EFTUD2: variants seen among roughly 807,000 people sequenced by gnomAD.
The protein encoded by EFTUD2 is elongation factor Tu GTP binding domain containing 2.
In EFTUD2, 9 loss-of-function variants were observed where a neutral mutation model predicts 114.3. The ratio of observed to expected loss-of-function variants is 0.08; its 90% CI spans 0.05 to 0.14. The LOEUF (loss-of-function observed/expected upper bound fraction) is 0.14, where lower values mean the gene tolerates loss of function less well. Among genes scored for constraint, EFTUD2 ranks in the 10% least tolerant of loss-of-function variants. EFTUD2 has a pLI of 1.00. For missense variants in EFTUD2, 765 were observed against 1,241.2 expected (o/e 0.62, Z 5.76); for synonymous variants, 449 against 462.3 (o/e 0.97, Z 0.37).
Position 44,885,267 on chromosome 17 carries a change from C to T in EFTUD2, c.339G>A (p.Val113=), listed in dbSNP as rs371529062. The T allele has an allele frequency of 3.7e-6, 6 of 1,613,484 alleles. No individual in the cohort carries two copies. The African/African-American group carries it at 5.3e-5, about 14-fold the overall frequency. Residue 113 remains valine (V), a synonymous_variant, in exon 4 of 28, where the codon GTG becomes GTA. Coordinates refer to ENST00000426333, the MANE Select transcript of EFTUD2 (RefSeq NM_004247.4). ...TLMEQTLPVT[V]YEMDFLADLM... is the part of the protein sequence containing the mutation. ...ACCTTGTAACTTACTCCATCTCATA[C>T]ACCGTAACAGGTAATGTCTGCTCCA...
At chr17:44,877,118 C>G (rs2050974964) in intron 9 of EFTUD2, among the ~76,000 whole-genome samples, 2 of 151,942 alleles carry the variant, frequency 1.3e-5, no homozygotes, top group Admixed American at 1.3e-4. Flanking sequence ...ATCACTTGAG[C>G]CCAGGAGCTC....
chr17:44,868,023 T>G, intron 12 of EFTUD2, 126 bp from the exon 13 acceptor site: 1 of 1,006,584 alleles, frequency 9.9e-7, no homozygotes, highest in East Asian at 2.7e-5. Context: ...GACTGTAAAG[T>G]TTCCAGAGAC....
chr17:44,886,884 G>T (rs868161701), intron 2 of EFTUD2, 134 bp from the exon 3 acceptor site: 120 of 1,413,728 alleles, frequency 8.5e-5, no homozygotes, highest in Non-Finnish European at 1.1e-4. Context: ...GCCAGTGGGG[G>T]AGGTTCCACT....
At chr17:44,895,208 T>C (rs137914458) in intron 1 of EFTUD2, among the ~76,000 whole-genome samples, 11 of 152,358 alleles carry the variant, frequency 7.2e-5, no homozygotes, top group East Asian at 5.8e-4. Flanking sequence ...AAAAGTTTCA[T>C]TGGGAGGCCG....
At chr17:44,858,366 G>T (rs1436042542) in intron 19 of EFTUD2, among the ~76,000 whole-genome samples, 1 of 152,152 alleles carries the variant, frequency 6.6e-6, no homozygotes, top group African/African-American at 2.4e-5. Context: ...CTGCGGAGTA[G>T]CTGGGACTAT....
chr17:44,883,362 C>T (rs1033898084), intron 5 of EFTUD2, among the ~76,000 whole-genome samples: 2 of 152,156 alleles, frequency 1.3e-5, no homozygotes, highest in African/African-American at 4.8e-5. Context: ...ACAGGCATCC[C>T]TCAGGAAATG....
chr17:44,897,074 A>G (rs535726216), intron 1 of EFTUD2, among the ~76,000 whole-genome samples: 11 of 151,704 alleles, frequency 7.3e-5, no homozygotes, highest in African/African-American at 2.2e-4. Flanking sequence ...AAATTAGCCA[A>G]GTGTGGTGGT....
At chr17:44,857,432 T>C (rs2050576659) in intron 19 of EFTUD2, 1 of 370,060 alleles carries the variant, frequency 2.7e-6, no homozygotes, top group Admixed American at 3.7e-5. Flanking sequence ...TCTTCAAAGG[T>C]AGCTCTCAGC....
chr17:44,861,791 T>C (rs576880878), intron 16 of EFTUD2, among the ~76,000 whole-genome samples: 7 of 152,194 alleles, frequency 4.6e-5, no homozygotes, highest in Non-Finnish European at 8.8e-5. Flanking sequence ...ATTCCACCTT[T>C]TGGCATTTAG....
In EFTUD2 at chr17:44,872,537, G is replaced by A. The variant is rs879029831; in HGVS notation, c.903C>T (p.Ser301=). 3 of 1,612,882 alleles carry A rather than the reference G, an allele frequency of 1.9e-6. No homozygotes were observed. The highest frequency in any genetic ancestry group is 2.5e-6 in the Non-Finnish European group (3 of 1,179,208). ...MYSTDENLIL[S]PLLGNVCFSS... ...AGAAGCAGACGTTACCCAGGAGTGG[G>A]GAAAGGATCAGGTTCTCATCAGTGG... is the stretch of plus-strand genomic sequence containing the variant. Residue 301 remains serine, a synonymous_variant, in exon 11 of 28, where the codon TCC becomes TCT. Coordinates refer to ENST00000426333, the MANE Select transcript of EFTUD2 (RefSeq NM_004247.4).
At chr17:44,863,053 C>T in intron 15 of EFTUD2, 147 bp from the exon 16 acceptor site, 2 of 605,990 alleles carry the variant, frequency 3.3e-6, no homozygotes, top group African/African-American at 1.8e-5. Flanking sequence ...CATGTTCTAC[C>T]CCATCCCTCT....
chr17:44,899,028 T>C (rs1344641451), intron 1 of EFTUD2: 1 of 152,220 alleles, frequency 6.6e-6, no homozygotes, highest in Admixed American at 6.5e-5. Flanking sequence ...CGGAGGGAAC[T>C]TGGCAAAGAA....
At chr17:44,863,910 G>A in intron 14 of EFTUD2, 128 bp from the exon 15 acceptor site, 1 of 1,282,086 alleles carries the variant, frequency 7.8e-7, no homozygotes, top group Non-Finnish European at 1.1e-6. Context: ...TAAAAGCTCT[G>A]GCACTATAGA....
At chr17:44,875,812 A>C in intron 10 of EFTUD2, 122 bp downstream of exon 10, 1 of 1,200,338 alleles carries the variant, frequency 8.3e-7, no homozygotes, top group East Asian at 2.3e-5. Flanking sequence ...ATGTGCCTCT[A>C]GTTTTGCCCA....
At chr17:44,855,479 A>T (rs2050532932) in intron 20 of EFTUD2, among the ~76,000 whole-genome samples, 1 of 152,066 alleles carries the variant, frequency 6.6e-6, no homozygotes, top group South Asian at 2.1e-4. Flanking sequence ...GAGGCAGGGG[A>T]ATCACTTGAA....
chr17:44,896,732 A>G (rs2051392944), intron 1 of EFTUD2, among the ~76,000 whole-genome samples: 1 of 152,368 alleles, frequency 6.6e-6, no homozygotes, highest in Admixed American at 6.5e-5. Context: ...ATAACAGACT[A>G]GAGCATCAGG....
intron 6 of EFTUD2, 57 bp downstream of exon 6, chr17:44,883,036 A>G: frequency 6.5e-7 from 1 of 1,544,648 alleles, no homozygotes; most frequent in Non-Finnish European, 8.9e-7. Context: ...GAGGAGAGAG[A>G]CATCTCTATC....
chr17:44,881,927 T>C, intron 6 of EFTUD2: 1 of 540,470 alleles, frequency 1.9e-6, no homozygotes, highest in East Asian at 3.3e-5. Context: ...TGTGGAGGGA[T>C]TTTTTTATTT....
rs545886274 is a variant in EFTUD2 at position 44,863,556 on chromosome 17, G to C, written c.1413+99C>G. The stretch of plus-strand genomic sequence containing the variant: ...TGTGCTCATGGGGATGGGGAGGCAA[G>C]GGTGGGAAAGTGGGCATTACTCCTG... On this transcript the variant is annotated intron_variant, in intron 15 of 27. Coordinates refer to ENST00000426333, the MANE Select transcript of EFTUD2 (RefSeq NM_004247.4). The C allele has an allele frequency of 1.9e-5, 29 of 1,509,484 alleles. No individual in the cohort carries two copies. In the East Asian group the frequency reaches 6.0e-4, roughly 31 times the overall value. The allele number at this position is 1,509,484 out of a possible 1,614,324, so 93.5% of individuals were successfully genotyped here.
Sources: allele counts gnomAD v4.1 joint callset (sites outside exome capture counted in the v4.1 genomes callset), GRCh38; gene constraint gnomAD v4.1.1; transcripts MANE v1.5; gene names NCBI Gene and HGNC (gene_info 2026-07-23, HGNC 2026-07-21).